The following PRKN variants were observed in gnomAD, a reference collection of about 807,000 sequenced individuals.
The protein encoded by PRKN is E3 ubiquitin-protein ligase parkin.
A neutral mutation model predicts 59.5 loss-of-function variants in PRKN; 56 were observed. That is an observed-to-expected ratio of 0.94 (90% CI 0.76 to 1.18). The LOEUF (loss-of-function observed/expected upper bound fraction) is 1.18. PRKN is among the 50% of genes most tolerant of loss of function. PRKN has a pLI of 0.00. For missense variants in PRKN, 657 were observed against 596.4 expected, an observed-to-expected ratio of 1.10 and a Z score of -1.06; for synonymous variants, 250 against 222.1, an observed-to-expected ratio of 1.13 and a Z score of -1.12.
chr6:162,688,151 T>C (rs1777638972), intron 1 of PRKN, among the ~76,000 whole-genome samples: 1 of 152,184 alleles, frequency 6.6e-6, no homozygotes, highest in African/African-American at 2.4e-5. Flanking sequence ...TACTGCTTTA[T>C]ATATGGATAA....
chr6:162,379,527 C>T (rs967866750), intron 2 of PRKN, among the ~76,000 whole-genome samples: 3 of 152,162 alleles, frequency 2.0e-5, no homozygotes, highest in Non-Finnish European at 4.4e-5. Flanking sequence ...CTAAATAAAT[C>T]TCCCATTCAG....
intron 1 of PRKN, among the ~76,000 whole-genome samples, chr6:162,522,164 C>T (rs1778103398): frequency 6.6e-6 from 1 of 152,192 alleles, no homozygotes; most frequent in Non-Finnish European, 1.5e-5. Context: ...GGCTCTATCA[C>T]CCAGGCTAGA....
At chr6:162,722,761 T>G (rs776389928) in intron 1 of PRKN, among the ~76,000 whole-genome samples, 8 of 152,208 alleles carry the variant, frequency 5.3e-5, no homozygotes, top group Non-Finnish European at 7.3e-5. Context: ...TTTCATTGTA[T>G]CATTTTCAGG....
chr6:162,004,752 T>C (rs1211278343), intron 5 of PRKN, among the ~76,000 whole-genome samples: 1 of 152,212 alleles, frequency 6.6e-6, no homozygotes, highest in Non-Finnish European at 1.5e-5. Flanking sequence ...ATGTCTCCCC[T>C]GTGATGAGCA....
chr6:161,598,329 A>G (rs1781988774), intron 7 of PRKN, among the ~76,000 whole-genome samples: 1 of 152,210 alleles, frequency 6.6e-6, no homozygotes, highest in Non-Finnish European at 1.5e-5. Context: ...AAAGCTCTAT[A>G]TTGAGAAACA....
intron 4 of PRKN, among the ~76,000 whole-genome samples, chr6:162,152,216 T>A (rs1212914183): frequency 1.3e-5 from 2 of 152,180 alleles, no homozygotes; most frequent in Non-Finnish European, 1.5e-5. Flanking sequence ...AGCTTTTCAT[T>A]GATTAAGTAA....
At chr6:162,039,426 A>T (rs899164470) in intron 5 of PRKN, among the ~76,000 whole-genome samples, 1 of 152,138 alleles carries the variant, frequency 6.6e-6, no homozygotes, top group Non-Finnish European at 1.5e-5. Context: ...TGAATGGCTT[A>T]GTGCCATTCT....
chr6:162,076,720 T>C (rs1375207111), intron 4 of PRKN, among the ~76,000 whole-genome samples: 1 of 152,180 alleles, frequency 6.6e-6, no homozygotes, highest in African/African-American at 2.4e-5. Flanking sequence ...CCCAAATTAT[T>C]ATTTTATCAT....
chr6:161,367,449 A>G (rs1350088079), intron 10 of PRKN, among the ~76,000 whole-genome samples: 2 of 151,118 alleles, frequency 1.3e-5, no homozygotes, highest in Non-Finnish European at 1.5e-5. Context: ...CGGTGTAGAA[A>G]ACTAATAAGA....
intron 2 of PRKN, among the ~76,000 whole-genome samples, chr6:162,318,777 A>G (rs924530421): frequency 1.3e-5 from 2 of 152,064 alleles, no homozygotes; most frequent in Admixed American, 6.6e-5. Context: ...GCATCAATCC[A>G]GGCAGGCCAA....
At chr6:162,270,471 A>C (rs1435534831) in intron 2 of PRKN, among the ~76,000 whole-genome samples, 1 of 152,182 alleles carries the variant, frequency 6.6e-6, no homozygotes, top group Admixed American at 6.5e-5. Context: ...TAACTAACTT[A>C]CGTAAACAAA....
At position 161,373,925 on chromosome 6, in the gene PRKN, C is replaced by T. The variant is rs773774008; in HGVS notation, c.1167+12869G>A. On this transcript the variant is annotated intron_variant, in intron 10 of 11. Coordinates refer to ENST00000366898, the MANE Select transcript of PRKN (RefSeq NM_004562.3). The surrounding 1 kb of genome is among the most constrained non-coding windows in gnomAD (Gnocchi z 4.8). ...CCTTCGATTCCCTCTTGCCTGTTGT[C>T]GGCTGGGCCACTATGCAGGCGTGGC... Among the ~76,000 whole-genome samples, 2 of 152,158 alleles carry T rather than the reference C, an allele frequency of 1.3e-5. No homozygotes were observed. Among genetic ancestry groups the T allele is most frequent in the East Asian group, 3.9e-4 (2 of 5,190 alleles).
chr6:162,428,436 C>A (rs1423531073), intron 2 of PRKN, among the ~76,000 whole-genome samples: 1 of 152,132 alleles, frequency 6.6e-6, no homozygotes, highest in Non-Finnish European at 1.5e-5. Context: ...GACAGATAAA[C>A]AAACTTCCTA....
At chr6:162,651,629 G>GT (rs762338236) in intron 1 of PRKN, among the ~76,000 whole-genome samples, 74 of 152,092 alleles carry the variant, frequency 4.9e-4, no homozygotes, top group Non-Finnish European at 7.5e-4. Flanking sequence ...ATCACTTTTA[G>GT]AAAGTTATAC....
chr6:162,443,278 C>A (rs752348017), intron 2 of PRKN, 32 bp downstream of exon 2: 1 of 1,610,670 alleles, frequency 6.2e-7, no homozygotes, highest in South Asian at 1.1e-5. Context: ...GAGCTGGCGG[C>A]ATCCCAAGAA....
chr6:161,804,609 A>G (rs929815347), intron 6 of PRKN, among the ~76,000 whole-genome samples: 1 of 152,230 alleles, frequency 6.6e-6, no homozygotes, highest in African/African-American at 2.4e-5. Context: ...ATTTGGAGAC[A>G]AGGTTGACAA....
At chr6:162,180,180 T>C (rs1436252292) in intron 4 of PRKN, among the ~76,000 whole-genome samples, 1 of 152,136 alleles carries the variant, frequency 6.6e-6, no homozygotes, top group Admixed American at 6.5e-5. Context: ...AAGGATGAAA[T>C]GATGGTTACT....
At chr6:161,680,303 A>G (rs1193352516) in intron 7 of PRKN, among the ~76,000 whole-genome samples, 1 of 152,118 alleles carries the variant, frequency 6.6e-6, no homozygotes, top group African/African-American at 2.4e-5. Context: ...CTATTTTCCA[A>G]TTGCTAGCTA....
chr6:162,189,446 T>C (rs914754717), intron 4 of PRKN, among the ~76,000 whole-genome samples: 11 of 150,890 alleles, frequency 7.3e-5, no homozygotes, highest in Admixed American at 1.3e-4. Context: ...AGGTATACAA[T>C]GACTATTATA....
Sources: allele counts gnomAD v4.1 joint callset (sites outside exome capture counted in the v4.1 genomes callset), GRCh38; gene constraint gnomAD v4.1.1; non-coding constraint Gnocchi (gnomAD v3.1); transcripts MANE v1.5; gene names NCBI Gene and HGNC (gene_info 2026-07-23, HGNC 2026-07-21).